STARD13: variants seen among roughly 807,000 people sequenced by gnomAD.
The protein encoded by STARD13 is StAR related lipid transfer domain containing 13.
In STARD13, 62 loss-of-function variants were observed where a neutral mutation model predicts 106.4. The observed-to-expected ratio is 0.58, with a 90% CI of 0.48 to 0.72. The LOEUF (loss-of-function observed/expected upper bound fraction) is 0.72. Ranked by LOEUF, STARD13 falls within the 30% of genes least tolerant of loss-of-function variation. The probability of loss-of-function intolerance (pLI) is 0.00; values close to 1 mark genes in which losing one functional copy is unlikely to be tolerated. For synonymous variants in STARD13, 565 were observed against 553.0 expected, an observed-to-expected ratio of 1.02 and a Z score of -0.31; for missense variants, 1,387 against 1,424.0, an observed-to-expected ratio of 0.97 and a Z score of 0.42.
the STARD13 span, among the ~76,000 whole-genome samples, chr13:33,649,594 C>A: frequency 1.3e-5 from 2 of 152,244 alleles, no homozygotes; most frequent in East Asian, 3.9e-4. Context: ...TAAGCCAGAG[C>A]CTGTCACATG....
At chr13:33,342,964 T>C (rs967008394) in intron 1 of STARD13, among the ~76,000 whole-genome samples, 1 of 152,228 alleles carries the variant, frequency 6.6e-6, no homozygotes, top group African/African-American at 2.4e-5. Flanking sequence ...CAATCTCTTC[T>C]AAGTAGCTCC....
chr13:33,539,557 A>G, the STARD13 span, among the ~76,000 whole-genome samples: 1 of 152,234 alleles, frequency 6.6e-6, no homozygotes, highest in East Asian at 1.9e-4. Flanking sequence ...TTATCAATGA[A>G]ATTGAATAGA....
At chr13:33,109,368 A>C (rs891443535) in intron 12 of STARD13, among the ~76,000 whole-genome samples, 4 of 152,104 alleles carry the variant, frequency 2.6e-5, no homozygotes, top group Admixed American at 1.3e-4. Context: ...AATCAACAAG[A>C]TTTTCTGGAC....
intron 1 of STARD13, among the ~76,000 whole-genome samples, chr13:33,293,434 G>C (rs1367850740): frequency 6.6e-6 from 1 of 152,094 alleles, no homozygotes; most frequent in Non-Finnish European, 1.5e-5. Context: ...TATTTTTTTA[G>C]GCAATCATTA....
chr13:33,635,858 C>A, the STARD13 span, among the ~76,000 whole-genome samples: 1 of 151,618 alleles, frequency 6.6e-6, no homozygotes, highest in African/African-American at 2.4e-5. Flanking sequence ...GTGGCGGGCA[C>A]CTGTACTCCC....
chr13:33,225,174 A>G (rs1888557653), intron 1 of STARD13, among the ~76,000 whole-genome samples: 1 of 152,266 alleles, frequency 6.6e-6, no homozygotes, highest in East Asian at 1.9e-4. Flanking sequence ...CAGACACTGT[A>G]CTGTGATGTT....
At chr13:33,139,855 G>T (rs760295585) in intron 4 of STARD13, among the ~76,000 whole-genome samples, 1 of 152,240 alleles carries the variant, frequency 6.6e-6, no homozygotes, top group Non-Finnish European at 1.5e-5. Context: ...CTCCTAAGTG[G>T]TTGCTTCAAT....
the STARD13 span, among the ~76,000 whole-genome samples, chr13:33,403,978 G>T: frequency 6.6e-6 from 1 of 152,240 alleles, no homozygotes; most frequent in Non-Finnish European, 1.5e-5. Flanking sequence ...GCTATTAATA[G>T]GGCAGTTCTA....
At chr13:33,158,049 C>G (rs1262248699) in intron 3 of STARD13, among the ~76,000 whole-genome samples, 2 of 152,176 alleles carry the variant, frequency 1.3e-5, no homozygotes, top group Non-Finnish European at 2.9e-5. Context: ...TCCTGACTTG[C>G]AGGGACAAAC....
chr13:33,240,903 G>A (rs928024604), intron 1 of STARD13, among the ~76,000 whole-genome samples: 5 of 152,024 alleles, frequency 3.3e-5, no homozygotes, highest in African/African-American at 4.8e-5. Flanking sequence ...ACTGATGTTC[G>A]CATGTTGGTT....
At chr13:33,361,082 G>A in the STARD13 span, among the ~76,000 whole-genome samples, 2 of 150,540 alleles carry the variant, frequency 1.3e-5, no homozygotes, top group Admixed American at 6.6e-5. Flanking sequence ...CGGGATTACA[G>A]GCGTGAACCA....
the STARD13 span, among the ~76,000 whole-genome samples, chr13:33,393,975 T>G: frequency 9.2e-5 from 14 of 152,218 alleles, no homozygotes; most frequent in Admixed American, 8.5e-4. Context: ...TATAATTTAA[T>G]GCATGTTCTC....
intron 2 of STARD13, among the ~76,000 whole-genome samples, 175 bp from the exon 3 acceptor site, chr13:33,165,593 G>A (rs148502927): frequency 1.3e-5 from 2 of 152,214 alleles, no homozygotes; most frequent in African/African-American, 2.4e-5. Flanking sequence ...ATGCTTTTAG[G>A]AGTACAATAT....
At chr13:33,655,039 A>G in the STARD13 span, among the ~76,000 whole-genome samples, 2 of 152,252 alleles carry the variant, frequency 1.3e-5, no homozygotes, top group Non-Finnish European at 2.9e-5. Flanking sequence ...TACACAAAAT[A>G]ACTGCATGGC....
At chr13:33,493,908 A>G in the STARD13 span, among the ~76,000 whole-genome samples, 5 of 152,294 alleles carry the variant, frequency 3.3e-5, no homozygotes, top group Admixed American at 6.5e-5. Flanking sequence ...AAAAAAATCC[A>G]CAGGTTGGTG....
At chr13:33,348,532 C>T (rs927939661), downstream of STARD13, 1 of 152,902 alleles carries the variant, frequency 6.5e-6, no homozygotes, top group Non-Finnish European at 1.5e-5. Flanking sequence ...CTTCTTGTTT[C>T]CTGAGGACCC....
the STARD13 span, among the ~76,000 whole-genome samples, chr13:33,360,855 G>T: frequency 6.9e-6 from 1 of 144,602 alleles, no homozygotes; most frequent in Admixed American, 6.9e-5. Context: ...GAGTGCAGTG[G>T]CGCAATCTGA....
At chr13:33,596,532 T>C in the STARD13 span, among the ~76,000 whole-genome samples, 149,634 of 152,336 alleles carry the variant, frequency 0.98, 73,502 homozygotes, top group East Asian at 1. Flanking sequence ...TCACCTCAAA[T>C]ATTTATCATT....
intron 1 of STARD13, among the ~76,000 whole-genome samples, chr13:33,275,379 T>G (rs891332852): frequency 4.6e-5 from 7 of 152,188 alleles, no homozygotes; most frequent in Non-Finnish European, 1.0e-4. Flanking sequence ...TAATAATCAT[T>G]TTGTCTTAAA....
Sources: allele counts gnomAD v4.1 joint callset (sites outside exome capture counted in the v4.1 genomes callset), GRCh38; gene constraint gnomAD v4.1.1; transcripts MANE v1.5; gene names NCBI Gene and HGNC (gene_info 2026-07-23, HGNC 2026-07-21).